BRD9: variants seen among roughly 807,000 people sequenced by gnomAD.
The protein encoded by BRD9 is bromodomain-containing protein 9.
A neutral mutation model predicts 68.7 loss-of-function variants in BRD9; 47 were observed. That is an observed-to-expected ratio of 0.68 (90% CI 0.54 to 0.87). The LOEUF (loss-of-function observed/expected upper bound fraction) is 0.87, where lower values mean the gene tolerates loss of function less well. Among genes scored for constraint, BRD9 ranks in the 40% least tolerant of loss-of-function variants. The pLI is 0.00. For missense variants in BRD9, 670 were observed against 748.4 expected (o/e 0.90, Z 1.22); for synonymous variants, 313 against 293.9 (o/e 1.06, Z -0.67).
intron 15 of BRD9, among the ~76,000 whole-genome samples, chr5:865,023 C>T (rs1372264125): frequency 1.3e-5 from 2 of 152,140 alleles, no homozygotes; most frequent in African/African-American, 2.4e-5. Flanking sequence ...TTCACTCTGC[C>T]GACAGAGTGA....
At position 876,087 on chromosome 5, in the gene BRD9, C is replaced by A. The variant is rs56008065; in HGVS notation, c.1383+14G>T. The A allele has an allele frequency of 7.8e-3, 12,463 of 1,590,132 alleles. 639 individuals are homozygous for A. In the African/African-American group the frequency reaches 0.13, roughly 16 times the overall value. On this transcript the variant is annotated intron_variant, in intron 12 of 15. Coordinates refer to ENST00000467963, the MANE Select transcript of BRD9 (RefSeq NM_023924.5). ...GGGCACCTGCCCCCCAACCCCGGTG[C>A]GAGTGCAGCCCACCTGCTTCAGCTG...
intron 1 of BRD9, 56 bp downstream of exon 1, chr5:892,550 C>T: frequency 6.6e-7 from 1 of 1,526,174 alleles, no homozygotes; most frequent in Admixed American, 2.0e-5. Flanking sequence ...GCCCGGAACT[C>T]CTCCCCCGTG....
At chr5:886,045 T>C (rs1579993941) in intron 7 of BRD9, among the ~76,000 whole-genome samples, 1 of 152,182 alleles carries the variant, frequency 6.6e-6, no homozygotes, top group Non-Finnish European at 1.5e-5. Flanking sequence ...GGAGCAGAGC[T>C]ACAGGGAGCT....
intron 14 of BRD9, chr5:870,217 C>T (rs1028844087): frequency 4.4e-5 from 18 of 405,714 alleles, no homozygotes; most frequent in South Asian, 9.2e-5. Flanking sequence ...CACTGGGGAT[C>T]GGCCAGACCC....
At chr5:865,819 A>AC (rs1201868394) in intron 14 of BRD9, 2 of 506,222 alleles carry the variant, frequency 4.0e-6, no homozygotes, top group African/African-American at 1.9e-5. Context: ...AAAGCATCAG[A>AC]CAAGACCTAG....
chr5:891,244 T>G lies in BRD9; in HGVS notation c.311A>C (p.Glu104Ala). 6.4e-7 allele frequency: 1 copy of G among 1,551,824 alleles called. No homozygotes were observed. Among genetic ancestry groups the G allele is most frequent in the Non-Finnish European group, 8.7e-7 (1 of 1,147,016 alleles). Residue 104 changes from glutamate (E) to alanine (A), a missense_variant, in exon 3 of 16, where the codon GAG becomes GCG. Glu to Ala is a moderately radical substitution (Grantham distance 107). This residue lies in a region of BRD9 where 161 missense variants were observed against 148.1 expected (regional missense o/e 1.09). Coordinates refer to ENST00000467963, the MANE Select transcript of BRD9 (RefSeq NM_023924.5). ...AGGATCAAAGTCGTCAGCCTCTCCC[T>G]CCGTGTCACAGTGCTCCCTCTCTCG... Reference protein sequence around the residue: ...RKREREHCDTEGEADDFDPGK... With the variant: ...RKREREHCDTAGEADDFDPGK...
In BRD9 at chr5:891,231, G is replaced by A. The variant is rs1462209878; in HGVS notation, c.324C>T (p.Asp108=). 16 of 1,551,836 alleles carry A rather than the reference G, an allele frequency of 1.0e-5. No individual in the cohort carries two copies. The highest frequency in any genetic ancestry group is 4.1e-5 in the African/African-American group (3 of 73,152). ...REHCDTEGEA[D]DFDPGKKVEV... ...CCACCTTCTTCCCAGGATCAAAGTC[G>A]TCAGCCTCTCCCTCCGTGTCACAGT... The change falls in exon 3 of 16, where the codon GAC becomes GAT. Residue 108 remains aspartate (D), a synonymous_variant. Coordinates refer to ENST00000467963, the MANE Select transcript of BRD9 (RefSeq NM_023924.5).
chr5:883,781 C>G, intron 8 of BRD9, 157 bp downstream of exon 8: 2 of 1,055,090 alleles, frequency 1.9e-6, no homozygotes, highest in Non-Finnish European at 2.7e-6. Context: ...AAGAGACCAG[C>G]CTTATGTGTG....
At chr5:868,154 C>A (rs1453879275) in intron 14 of BRD9, among the ~76,000 whole-genome samples, 2 of 152,216 alleles carry the variant, frequency 1.3e-5, no homozygotes, top group Admixed American at 1.3e-4. Flanking sequence ...CTCTCCTGCT[C>A]CGCCATGTGA....
intron 14 of BRD9, among the ~76,000 whole-genome samples, chr5:867,874 T>A (rs1273911331): frequency 6.6e-6 from 1 of 152,224 alleles, no homozygotes; most frequent in Non-Finnish European, 1.5e-5. Flanking sequence ...GAGTTAAGAC[T>A]TTAGGGGACT....
chr5:878,504 A>AGAGC lies in BRD9; in HGVS notation c.1139-21_1139-18dup. 1 of 1,613,808 alleles carries AGAGC rather than the reference A, an allele frequency of 6.2e-7. No homozygotes were observed. The highest frequency in any genetic ancestry group is 8.5e-7 in the Non-Finnish European group (1 of 1,180,046). On this transcript the variant is annotated splice_polypyrimidine_tract_variant and intron_variant, in intron 10 of 15. Coordinates refer to ENST00000467963, the MANE Select transcript of BRD9 (RefSeq NM_023924.5). ...GAAAGGTGACTGGGAGGAAGAGGAG[A>AGAGC]GAGCATCACTGGACTCACTGGAAGG...
chr5:869,391 G>A (rs1030246220), intron 14 of BRD9: 1 of 455,012 alleles, frequency 2.2e-6, no homozygotes, highest in African/African-American at 2.0e-5. Context: ...ATAGATGGCA[G>A]GCCCTGAAAG....
At chr5:881,079 A>T in intron 9 of BRD9, 28 bp downstream of exon 9, 1 of 1,611,716 alleles carries the variant, frequency 6.2e-7, no homozygotes, top group Non-Finnish European at 8.5e-7. Context: ...TACGGAGAGC[A>T]TAAAGCCAGC....
intron 11 of BRD9, among the ~76,000 whole-genome samples, chr5:877,093 G>A (rs138180195): frequency 1.2e-3 from 177 of 152,334 alleles, no homozygotes; most frequent in Non-Finnish European, 2.0e-3. Context: ...AACCTGATGC[G>A]TTCTAGGGAC....
chr5:888,962 A>G, intron 5 of BRD9, 59 bp downstream of exon 5: 1 of 1,540,132 alleles, frequency 6.5e-7, no homozygotes, highest in Non-Finnish European at 8.8e-7. Flanking sequence ...TGAAGTCTTC[A>G]CAAGACATGA....
chr5:889,847 A>T, intron 3 of BRD9, 200 bp from the exon 4 acceptor site: 3 of 1,159,176 alleles, frequency 2.6e-6, no homozygotes, highest in Non-Finnish European at 3.6e-6. Flanking sequence ...CCACAGCAGG[A>T]GTCATAAAAA....
chr5:890,159 C>A, intron 3 of BRD9: 1 of 210,000 alleles, frequency 4.8e-6, no homozygotes, highest in Non-Finnish European at 9.8e-6. Flanking sequence ...CGACACTGCA[C>A]TCCAGCCTAG....
At chr5:889,212 G>A (rs72703154) in intron 4 of BRD9, 47 bp from the exon 5 acceptor site, 43,667 of 1,571,966 alleles carry the variant, frequency 0.028, 714 homozygotes, top group Non-Finnish European at 0.034. Context: ...ATTTCTAAAT[G>A]ATACAAAATC....
At chr5:875,549 C>A (rs1448034894) in intron 12 of BRD9, among the ~76,000 whole-genome samples, 1 of 152,070 alleles carries the variant, frequency 6.6e-6, no homozygotes, top group African/African-American at 2.4e-5. Context: ...GGGGTTTCAC[C>A]GTGTTAGCCA....
Sources: gnomAD v4.1 joint callset for allele counts (sites outside exome capture counted in the v4.1 genomes callset) on GRCh38, gnomAD v4.1.1 for gene constraint, gnomAD v4.1.1 regional missense constraint, MANE v1.5 for transcripts, NCBI Gene and HGNC (gene_info 2026-07-23, HGNC 2026-07-21) for gene names.